GSK3B: variants seen among roughly 807,000 people sequenced by gnomAD.
GSK3B encodes the protein glycogen synthase kinase-3 beta.
Under a neutral mutation model 56.4 loss-of-function variants are expected in GSK3B, and 15 were observed. The ratio of observed to expected loss-of-function variants is 0.27; its 90% confidence interval spans 0.18 to 0.41. The LOEUF (loss-of-function observed/expected upper bound fraction) is 0.41. Ranked by LOEUF, GSK3B falls within the 10% of genes least tolerant of loss-of-function variation. The probability of loss-of-function intolerance (pLI) is 1.00; values close to 1 mark genes in which losing one functional copy is unlikely to be tolerated. For synonymous variants in GSK3B, 181 were observed against 188.9 expected, an observed-to-expected ratio of 0.96 and a Z score of 0.34; for missense variants, 300 against 513.4, an observed-to-expected ratio of 0.58 and a Z score of 4.02.
At chr3:119,870,855 G>A (rs1371265486) in intron 8 of GSK3B, among the ~76,000 whole-genome samples, 1 of 152,144 alleles carries the variant, frequency 6.6e-6, no homozygotes, top group Non-Finnish European at 1.5e-5. Flanking sequence ...GGCAAGCTTA[G>A]GAGCCAATAG....
intron 9 of GSK3B, among the ~76,000 whole-genome samples, chr3:119,859,254 C>T (rs1242533532): frequency 1.3e-5 from 2 of 150,730 alleles, no homozygotes; most frequent in Non-Finnish European, 1.5e-5. Flanking sequence ...TATGTCCATA[C>T]TTTAATTAAT....
chr3:120,029,104 C>T, intron 1 of GSK3B: 1 of 774,960 alleles, frequency 1.3e-6, no homozygotes, highest in Admixed American at 2.1e-5. Flanking sequence ...ATATGAATCA[C>T]TGAAATCCAG....
chr3:119,905,152 T>C (rs1251925110), intron 7 of GSK3B, among the ~76,000 whole-genome samples: 1 of 151,782 alleles, frequency 6.6e-6, no homozygotes, highest in Admixed American at 6.6e-5. Context: ...GCAGAAGCTG[T>C]GTCTGAGCAA....
At chr3:119,865,730 A>T (rs953867451) in intron 8 of GSK3B, among the ~76,000 whole-genome samples, 1 of 151,538 alleles carries the variant, frequency 6.6e-6, no homozygotes, top group Non-Finnish European at 1.5e-5. Context: ...CGGCCTCCCA[A>T]AGTGCTGGGA....
chr3:119,976,586 C>A (rs1322380963), intron 2 of GSK3B, among the ~76,000 whole-genome samples: 1 of 151,928 alleles, frequency 6.6e-6, no homozygotes, highest in Non-Finnish European at 1.5e-5. Flanking sequence ...CTAATGGGTA[C>A]ACAGTTTCAT....
chr3:120,026,546 C>CACACACACACAG (rs2057927959), intron 1 of GSK3B, among the ~76,000 whole-genome samples: 5 of 121,660 alleles, frequency 4.1e-5, no homozygotes, highest in Non-Finnish European at 6.7e-5. Flanking sequence ...CACACACACA[C>CACACACACACAG]ACACACAAAC....
At chr3:119,846,122 T>C (rs1028500198) in intron 9 of GSK3B, among the ~76,000 whole-genome samples, 1 of 152,140 alleles carries the variant, frequency 6.6e-6, no homozygotes. Context: ...CTGGACCCCT[T>C]CCTTATACCT....
intron 1 of GSK3B, among the ~76,000 whole-genome samples, chr3:120,041,961 C>T (rs1241262051): frequency 3.3e-5 from 5 of 152,216 alleles, no homozygotes; most frequent in Non-Finnish European, 7.3e-5. Context: ...TCTAAGTACA[C>T]CTTTGGGGTG....
chr3:119,923,710 A>G (rs1463674401), intron 3 of GSK3B, among the ~76,000 whole-genome samples: 3 of 152,204 alleles, frequency 2.0e-5, no homozygotes, highest in Non-Finnish European at 4.4e-5. Flanking sequence ...TCATTTCAAT[A>G]TTGTTAAGAT....
chr3:119,995,182 A>T lies in GSK3B; in HGVS notation c.282+6864T>A, dbSNP rs915939451. The stretch of plus-strand genomic sequence containing the variant: ...CTCTACAAAAAAAAAAAAAAAAATT[A>T]AAAACTAGCCAGGTGTGGTGGCGCA... On this transcript the variant is annotated intron_variant, in intron 2 of 10. Transcript: ENST00000264235. Among the ~76,000 whole-genome samples, 9 of 151,250 alleles carry T rather than the reference A, an allele frequency of 6.0e-5. 1 individual carries two copies. The highest frequency in any genetic ancestry group is 5.9e-4 in the Admixed American group (9 of 15,184).
chr3:119,900,760 G>C (rs1013335265), intron 7 of GSK3B, among the ~76,000 whole-genome samples: 3 of 152,004 alleles, frequency 2.0e-5, no homozygotes, highest in African/African-American at 7.3e-5. Flanking sequence ...TCATGCAGTG[G>C]AATCTATGTA....
chr3:119,976,727 G>C (rs1263921589), intron 2 of GSK3B, among the ~76,000 whole-genome samples: 1 of 134,454 alleles, frequency 7.4e-6, no homozygotes, highest in East Asian at 2.3e-4. Context: ...CAATAAGGTT[G>C]TTATAAATAA....
At chr3:119,878,655 T>C (rs1475272397) in intron 7 of GSK3B, among the ~76,000 whole-genome samples, 2 of 152,196 alleles carry the variant, frequency 1.3e-5, no homozygotes, top group Admixed American at 6.5e-5. Flanking sequence ...AAGACTTGTA[T>C]ACAAATATGC....
intron 2 of GSK3B, among the ~76,000 whole-genome samples, chr3:119,961,679 CCT>C (rs554977860): frequency 7.7e-4 from 117 of 151,728 alleles, no homozygotes; most frequent in South Asian, 7.3e-3. Context: ...AATTCACCCC[CCT>C]TTCATTACAA....
chr3:119,972,803 C>G (rs2057379559), intron 2 of GSK3B, among the ~76,000 whole-genome samples: 1 of 151,974 alleles, frequency 6.6e-6, no homozygotes, highest in South Asian at 2.1e-4. Flanking sequence ...AATTGTAGGA[C>G]CTATGAAAAA....
At chr3:119,908,320 A>G (rs1364817510) in intron 6 of GSK3B, among the ~76,000 whole-genome samples, 1 of 152,222 alleles carries the variant, frequency 6.6e-6, no homozygotes, top group African/African-American at 2.4e-5. Context: ...ACAGATAATC[A>G]GTATCATATA....
chr3:120,079,987 G>A (rs138408944), intron 1 of GSK3B, among the ~76,000 whole-genome samples: 2 of 152,006 alleles, frequency 1.3e-5, no homozygotes, highest in Non-Finnish European at 2.9e-5. Flanking sequence ...AGTCATATTC[G>A]ACCACTATTT....
intron 1 of GSK3B, among the ~76,000 whole-genome samples, chr3:120,056,105 A>G (rs2058189361): frequency 6.6e-6 from 1 of 152,244 alleles, no homozygotes; most frequent in South Asian, 2.1e-4. Context: ...GAATCCAGGT[A>G]TCTTCTATTA....
intron 1 of GSK3B, among the ~76,000 whole-genome samples, chr3:120,053,206 G>A (rs2058165179): frequency 1.3e-5 from 2 of 152,076 alleles, no homozygotes; most frequent in African/African-American, 2.4e-5. Context: ...GTGTGTTGGC[G>A]GGAGCCTGTA....
Sources: allele counts gnomAD v4.1 joint callset (sites outside exome capture counted in the v4.1 genomes callset), GRCh38; gene constraint gnomAD v4.1.1; transcripts MANE v1.5; gene names NCBI Gene and HGNC (gene_info 2026-07-23, HGNC 2026-07-21).